Variants in GOLM2 observed in about 807,000 individuals in gnomAD.
GOLM2 encodes the protein golgi membrane protein 2, also known as protein GOLM2.
GOLM2 carries 26 observed loss-of-function variants against 55.9 expected under a neutral mutation model. The observed-to-expected ratio is 0.47, with a 90% CI of 0.34 to 0.65. The LOEUF is 0.65. GOLM2 is among the 30% of genes least tolerant of loss of function. GOLM2 has a pLI of 0.01. For synonymous variants in GOLM2, 165 were observed against 194.6 expected (o/e 0.85, Z 1.27); for missense variants, 486 against 531.8 (o/e 0.91, Z 0.85).
intron 1 of GOLM2, among the ~76,000 whole-genome samples, chr15:44,321,540 A>G (rs1184252165): frequency 2.0e-5 from 3 of 151,826 alleles, no homozygotes; most frequent in Non-Finnish European, 4.4e-5. Flanking sequence ...AGTATTCTGC[A>G]TCTTGATTGT....
chr15:44,319,444 T>A (rs2078934249), intron 1 of GOLM2, among the ~76,000 whole-genome samples: 1 of 152,082 alleles, frequency 6.6e-6, no homozygotes, highest in Non-Finnish European at 1.5e-5. Flanking sequence ...TGGTCTTGAA[T>A]TCCTGAGTTT....
chr15:44,346,308 A>G (rs1239925842), intron 6 of GOLM2, among the ~76,000 whole-genome samples: 7 of 150,590 alleles, frequency 4.6e-5, no homozygotes, highest in African/African-American at 1.7e-4. Context: ...ATCTCTGGGG[A>G]GCTTGAAAAA....
At chr15:44,332,366 G>A (rs1488803175) in intron 4 of GOLM2, among the ~76,000 whole-genome samples, 1 of 152,068 alleles carries the variant, frequency 6.6e-6, no homozygotes, top group African/African-American at 2.4e-5. Context: ...AGATCACCCT[G>A]GCCAACATGG....
rs1349156707 is a variant in GOLM2 at position 44,289,168 on chromosome 15, G to A, written c.139G>A (p.Ala47Thr). ...SRHVLLQEEV[A>T]ELQGQVQRTE... ...CCACGTCCTGCTTCAGGAGGAGGTG[G>A]CCGAGCTGCAGGGCCAGGTCCAGCG... Residue 47 changes from alanine (A) to threonine (T), a missense_variant, in exon 1 of 10, where the codon GCC becomes ACC. Physicochemically the swap from Ala to Thr is moderately conservative, Grantham distance 58. Transcript: ENST00000299957. The surrounding 1 kb of genome is among the most constrained non-coding windows in gnomAD (Gnocchi z 4.8). The A allele has an allele frequency of 1.9e-6, 3 of 1,614,198 alleles. No homozygotes were observed. The highest frequency in any genetic ancestry group is 2.5e-6 in the Non-Finnish European group (3 of 1,180,034).
chr15:44,289,098 G>A lies in GOLM2; in HGVS notation c.69G>A (p.Val23=), dbSNP rs961198704. 5 of 1,614,144 alleles carry A rather than the reference G, an allele frequency of 3.1e-6. No individual in the cohort carries two copies. The highest frequency in any genetic ancestry group is 4.2e-6 in the Non-Finnish European group (5 of 1,180,008). Residue 23 remains valine, a synonymous_variant, in exon 1 of 10, where the codon GTG becomes GTA. Transcript: ENST00000299957. The surrounding 1 kb of genome is among the most constrained non-coding windows in gnomAD (Gnocchi z 4.8). Reference sequence around the variant, plus strand: ...CTCTCGTGCTGGTGGTGCTGCTGGTGGTGATCGTCGTCCTCGCCTTCAACT... The same window carrying A: ...CTCTCGTGCTGGTGGTGCTGCTGGTAGTGATCGTCGTCCTCGCCTTCAACT... ...LPSLVLVVLL[V]VIVVLAFNYW...
At chr15:44,379,346 G>A (rs185402011) in intron 6 of GOLM2, among the ~76,000 whole-genome samples, 11 of 152,134 alleles carry the variant, frequency 7.2e-5, no homozygotes, top group South Asian at 2.1e-4. Context: ...GCGTGGTGGC[G>A]AGCGCCTATA....
Position 44,289,922 on chromosome 15 carries a change from C to T in GOLM2, c.327+566C>T, listed in dbSNP as rs2078708337. On this transcript the variant is annotated intron_variant, in intron 1 of 9. Transcript: ENST00000299957. This position sits in a 1 kb window ranked among gnomAD's most constrained non-coding sequence, Gnocchi z 4.8. ...ATCAAAATGTTATGATAGATGGGCC[C>T]TCGAGCTATATGTGAGACACACTTG... 6.6e-6 allele frequency among the ~76,000 whole-genome samples: 1 copy of T among 152,132 alleles called. No individual in the cohort carries two copies. The highest frequency in any genetic ancestry group is 1.5e-5 in the Non-Finnish European group (1 of 68,026).
intron 1 of GOLM2, among the ~76,000 whole-genome samples, chr15:44,298,972 C>G (rs560371855): frequency 6.6e-6 from 1 of 152,168 alleles, no homozygotes; most frequent in South Asian, 2.1e-4. Flanking sequence ...TGCATGAATA[C>G]ACAGAGACAC....
chr15:44,372,736 A>G (rs2079336590), intron 6 of GOLM2, among the ~76,000 whole-genome samples: 2 of 152,078 alleles, frequency 1.3e-5, no homozygotes, highest in Non-Finnish European at 2.9e-5. Flanking sequence ...TACCTCTGCC[A>G]CCTAGCCACC....
At chr15:44,296,544 A>T (rs888487626) in intron 1 of GOLM2, among the ~76,000 whole-genome samples, 2 of 152,206 alleles carry the variant, frequency 1.3e-5, no homozygotes, top group African/African-American at 4.8e-5. Flanking sequence ...AAAATTTTGG[A>T]ATATAATAGT....
chr15:44,409,040 G>A (rs2079616771), intron 9 of GOLM2, among the ~76,000 whole-genome samples: 1 of 152,184 alleles, frequency 6.6e-6, no homozygotes, highest in Admixed American at 6.6e-5. Flanking sequence ...CACTTTGGGA[G>A]GCTGAGGCAG....
At chr15:44,396,484 G>A (rs2079527858) in intron 8 of GOLM2, among the ~76,000 whole-genome samples, 1 of 152,104 alleles carries the variant, frequency 6.6e-6, no homozygotes, top group South Asian at 2.1e-4. Flanking sequence ...AAGGATAGTT[G>A]TATTCAAACT....
At chr15:44,291,617 G>A (rs2078721172) in intron 1 of GOLM2, among the ~76,000 whole-genome samples, 1 of 152,136 alleles carries the variant, frequency 6.6e-6, no homozygotes, top group Non-Finnish European at 1.5e-5. Context: ...GTTTGATCCT[G>A]TTGATTGTCT....
chr15:44,306,023 A>C (rs1449096903), intron 1 of GOLM2, among the ~76,000 whole-genome samples: 1 of 152,190 alleles, frequency 6.6e-6, no homozygotes, highest in Non-Finnish European at 1.5e-5. Flanking sequence ...GGATTTTAGG[A>C]ATGGTAAGTG....
intron 8 of GOLM2, among the ~76,000 whole-genome samples, chr15:44,386,033 A>T (rs1298076040): frequency 6.6e-6 from 1 of 152,112 alleles, no homozygotes; most frequent in African/African-American, 2.4e-5. Flanking sequence ...GAAAGTTTTT[A>T]ATTTTGATGA....
At chr15:44,344,823 G>T (rs1172009625) in intron 6 of GOLM2, among the ~76,000 whole-genome samples, 1 of 150,002 alleles carries the variant, frequency 6.7e-6, no homozygotes, top group Non-Finnish European at 1.5e-5. Flanking sequence ...TGTCGCCCAG[G>T]CTGGAGTGCA....
chr15:44,293,841 G>A (rs2141103803), intron 1 of GOLM2, among the ~76,000 whole-genome samples: 1 of 152,296 alleles, frequency 6.6e-6, no homozygotes, highest in South Asian at 2.1e-4. Flanking sequence ...CTCACTTAAT[G>A]AGTGGGTAGT....
intron 8 of GOLM2, among the ~76,000 whole-genome samples, chr15:44,394,139 T>G (rs2079509426): frequency 6.6e-6 from 1 of 152,314 alleles, no homozygotes; most frequent in African/African-American, 2.4e-5. Flanking sequence ...CTCATCAGAC[T>G]GGTACATAAT....
Position 44,408,714 on chromosome 15 carries a change from C to T in GOLM2, c.1241-4622C>T, listed in dbSNP as rs1394384862. Among the ~76,000 whole-genome samples the T allele has an allele frequency of 2.0e-5, 3 of 152,202 alleles. No homozygotes were observed. In the East Asian group the frequency reaches 5.8e-4, roughly 29 times the overall value. ...CCAAAAAGGGCCAGGCGCGGTGGTT[C>T]ACTCCTGTAATCCCAGCATTTTGGG... On this transcript the variant is annotated intron_variant, in intron 9 of 9. Transcript: ENST00000299957.
Sources: allele counts gnomAD v4.1 joint callset (sites outside exome capture counted in the v4.1 genomes callset), GRCh38; gene constraint gnomAD v4.1.1; non-coding constraint Gnocchi (gnomAD v3.1); transcripts MANE v1.5; gene names NCBI Gene and HGNC (gene_info 2026-07-23, HGNC 2026-07-21).